Variants in RBFOX1 observed in about 807,000 individuals in gnomAD.
RBFOX1 encodes the protein RNA binding fox-1 homolog 1.
In RBFOX1, 8 loss-of-function variants were observed where a neutral mutation model predicts 57.7. The observed-to-expected ratio is 0.14, with a 90% CI of 0.08 to 0.25. The LOEUF is 0.25. Ranked by LOEUF, RBFOX1 falls within the 10% of genes least tolerant of loss-of-function variation. The probability of loss-of-function intolerance (pLI) is 1.00; values close to 1 mark genes in which losing one functional copy is unlikely to be tolerated. For synonymous variants in RBFOX1, 326 were observed against 222.4 expected (o/e 1.47, Z -4.15); for missense variants, 611 against 548.5 (o/e 1.11, Z -1.14).
chr16:7,664,718 T>C (rs2145677116), intron 12 of RBFOX1: 1 of 771,624 alleles, frequency 1.3e-6, no homozygotes, highest in Non-Finnish European at 2.0e-6. Context: ...CACCACATCC[T>C]AATTCTGGGC....
rs1034409184 is a variant in RBFOX1 at position 5,467,145 on chromosome 16, C to T, written c.220-71C>T. On this transcript the variant is annotated intron_variant, in intron 1 of 2. Coordinates refer to the RBFOX1 transcript ENST00000585867. The stretch of plus-strand genomic sequence containing the variant: ...ATCTAAGAGAAAAACAAAGCCAAAG[C>T]AATTGTTTCAATGTAGACTCAATGT... 1.3e-4 allele frequency: 176 copies of T among 1,360,228 alleles called. 1 individual carries two copies. The South Asian group carries it at 1.6e-3, about 12-fold the overall frequency. The allele number at this position is 1,360,228 out of a possible 1,614,324, so 84.3% of individuals were successfully genotyped here. A position where few individuals can be genotyped will look rare whatever the true frequency, so the allele number is the denominator to read the frequency against.
intron 1 of RBFOX1, chr16:6,038,439 GC>G (rs2095395520): frequency 6.7e-6 from 1 of 149,316 alleles, no homozygotes; most frequent in Non-Finnish European, 1.5e-5. Flanking sequence ...ACCTCAGCCT[GC>G]CAAAGTGCTG....
At chr16:5,989,723 C>G (rs561645333) in intron 4 of RBFOX1, among the ~76,000 whole-genome samples, 1 of 152,034 alleles carries the variant, frequency 6.6e-6, no homozygotes, top group East Asian at 1.9e-4. Flanking sequence ...ACTCATTTGT[C>G]TCGCTTCTGG....
At chr16:6,505,330 A>G (rs1055631457) in intron 2 of RBFOX1, among the ~76,000 whole-genome samples, 1 of 152,168 alleles carries the variant, frequency 6.6e-6, no homozygotes, top group African/African-American at 2.4e-5. Flanking sequence ...AGCTTTGTTT[A>G]TATAAGGAAT....
At chr16:6,023,518 C>G (rs2095126131) in intron 1 of RBFOX1, among the ~76,000 whole-genome samples, 1 of 152,168 alleles carries the variant, frequency 6.6e-6, no homozygotes, top group Non-Finnish European at 1.5e-5. Flanking sequence ...CGTTTGCATC[C>G]TTTAAGCTGA....
At chr16:6,412,086 T>G (rs2093475083) in intron 2 of RBFOX1, among the ~76,000 whole-genome samples, 1 of 148,454 alleles carries the variant, frequency 6.7e-6, no homozygotes, top group Admixed American at 6.8e-5. Context: ...TGAGCCAAGA[T>G]CGTGCCATTG....
chr16:7,097,323 CAGAG>C (rs201053173), intron 4 of RBFOX1, among the ~76,000 whole-genome samples: 1 of 151,330 alleles, frequency 6.6e-6, no homozygotes, highest in Non-Finnish European at 1.5e-5. Flanking sequence ...GGAGTATGGT[CAGAG>C]AGAGAGAGAG....
chr16:5,608,395 T>C (rs1400608596), intron 3 of RBFOX1, among the ~76,000 whole-genome samples: 1 of 152,220 alleles, frequency 6.6e-6, no homozygotes, highest in South Asian at 2.1e-4. Flanking sequence ...CGTGGCCACA[T>C]GATGAAGGGG....
chr16:7,017,287 G>A (rs1316948740), intron 3 of RBFOX1, among the ~76,000 whole-genome samples: 1 of 152,042 alleles, frequency 6.6e-6, no homozygotes, highest in African/African-American at 2.4e-5. Flanking sequence ...TAGAATGATG[G>A]CAAATAATGG....
intron 2 of RBFOX1, among the ~76,000 whole-genome samples, chr16:6,612,109 C>A (rs2098067453): frequency 6.6e-6 from 1 of 152,154 alleles, no homozygotes; most frequent in East Asian, 1.9e-4. Context: ...GCATATGGTA[C>A]ATGATGCATC....
chr16:6,802,703 T>A (rs2085773823), intron 3 of RBFOX1, among the ~76,000 whole-genome samples: 1 of 152,200 alleles, frequency 6.6e-6, no homozygotes, highest in Admixed American at 6.5e-5. Context: ...TGCATGTTAT[T>A]TGATGGTTTT....
chr16:5,383,306 C>A (rs1312030363), intron 1 of RBFOX1, among the ~76,000 whole-genome samples: 1 of 152,110 alleles, frequency 6.6e-6, no homozygotes, highest in East Asian at 1.9e-4. Context: ...TGTGGGTCTG[C>A]CAGGAGGGTG....
chr16:6,389,067 C>G (rs993779331), intron 2 of RBFOX1, among the ~76,000 whole-genome samples: 2 of 152,188 alleles, frequency 1.3e-5, no homozygotes, highest in African/African-American at 4.8e-5. Context: ...AGTCTTTTCA[C>G]CCAGCTTGGC....
At chr16:6,440,820 A>T (rs1051896797) in intron 2 of RBFOX1, among the ~76,000 whole-genome samples, 2 of 149,956 alleles carry the variant, frequency 1.3e-5, no homozygotes, top group African/African-American at 2.5e-5. Context: ...AAAAAAAAAA[A>T]TCAGTAATAG....
At chr16:5,977,971 C>T (rs1362570502) in intron 4 of RBFOX1, among the ~76,000 whole-genome samples, 1 of 151,674 alleles carries the variant, frequency 6.6e-6, no homozygotes, top group African/African-American at 2.4e-5. Context: ...CTTCAATTCC[C>T]ACTTTGTGTG....
chr16:5,666,344 A>C (rs962416569), intron 3 of RBFOX1, among the ~76,000 whole-genome samples: 1 of 152,186 alleles, frequency 6.6e-6, no homozygotes. Flanking sequence ...AAGGTCTTAC[A>C]ATTCCTCAGC....
At chr16:7,080,104 A>G (rs922500720) in intron 4 of RBFOX1, among the ~76,000 whole-genome samples, 1 of 146,666 alleles carries the variant, frequency 6.8e-6, no homozygotes, top group Non-Finnish European at 1.5e-5. Context: ...TATATATATA[A>G]AACCACAATT....
chr16:7,263,925 A>C (rs1470364563), intron 4 of RBFOX1, among the ~76,000 whole-genome samples: 1 of 151,144 alleles, frequency 6.6e-6, no homozygotes, highest in Non-Finnish European at 1.5e-5. Context: ...TAAATTAAAA[A>C]AAAAAAAAAA....
At chr16:5,967,306 A>G (rs1445770888) in intron 4 of RBFOX1, among the ~76,000 whole-genome samples, 1 of 152,226 alleles carries the variant, frequency 6.6e-6, no homozygotes, top group Non-Finnish European at 1.5e-5. Flanking sequence ...TGTATACATT[A>G]TGTAACATTA....
Sources: gnomAD v4.1 joint callset for allele counts (sites outside exome capture counted in the v4.1 genomes callset) on GRCh38, gnomAD v4.1.1 for gene constraint, MANE v1.5 for transcripts, NCBI Gene and HGNC (gene_info 2026-07-23, HGNC 2026-07-21) for gene names.